ST13: variants seen among roughly 807,000 people sequenced by gnomAD.
ST13 encodes the protein ST13 Hsp70 interacting protein.
ST13 carries 23 observed loss-of-function variants against 56.7 expected under a neutral mutation model. That is an observed-to-expected ratio of 0.41 (90% CI 0.29 to 0.57). ST13 has a LOEUF of 0.57. ST13 is among the 20% of genes least tolerant of loss of function. ST13 has a pLI of 0.36. For missense variants in ST13, 369 were observed against 459.9 expected (o/e 0.80, Z 1.81); for synonymous variants, 132 against 142.4 (o/e 0.93, Z 0.52).
At chr22:40,829,780 A>T in intron 9 of ST13, 106 bp from the exon 10 acceptor site, 1 of 504,280 alleles carries the variant, frequency 2.0e-6, no homozygotes, top group Non-Finnish European at 3.4e-6. Flanking sequence ...AACCTAGTAG[A>T]TGGCAATACT....
chr22:40,845,730 T>C (rs540685599), intron 3 of ST13, among the ~76,000 whole-genome samples: 16 of 151,298 alleles, frequency 1.1e-4, no homozygotes, highest in African/African-American at 2.9e-4. Context: ...TATATATATA[T>C]ACACACACAC....
rs2057724538 is a variant in ST13, at chr22:40,825,719, T to G, written c.*819A>C. 4 of 151,972 alleles carry G rather than the reference T, an allele frequency of 2.6e-5. No homozygotes were observed. The highest frequency in any genetic ancestry group is 2.6e-4 in the Admixed American group (4 of 15,244). 9.4% of individuals were successfully genotyped at this position (151,972 alleles called of 1,614,324 possible). On this transcript the variant is annotated 3_prime_UTR_variant, in exon 12 of 12. Transcript: ENST00000216218. ...TAGCAAGCAGAAAGCAAACACAGAT[T>G]TGGGCAATTTTTGACTAGGAAAGAG...
chr22:40,852,549 AAAAG>A (rs1987068577), intron 1 of ST13, among the ~76,000 whole-genome samples: 2 of 152,254 alleles, frequency 1.3e-5, no homozygotes, highest in Admixed American at 1.3e-4. Flanking sequence ...AGATGGAATG[AAAAG>A]AAACAGAATT....
At chr22:40,827,009 C>T in intron 11 of ST13, 87 bp downstream of exon 11, 1 of 1,409,746 alleles carries the variant, frequency 7.1e-7, no homozygotes, top group Non-Finnish European at 9.6e-7. Context: ...TAAAAAATAG[C>T]TATGAGAGTA....
At chr22:40,841,959 A>G (rs1024582178) in intron 4 of ST13, among the ~76,000 whole-genome samples, 4 of 152,214 alleles carry the variant, frequency 2.6e-5, no homozygotes, top group African/African-American at 7.2e-5. Context: ...AAGAGAATGT[A>G]TGTGGTCTAA....
chr22:40,842,663 G>A (rs1328737360), intron 4 of ST13, among the ~76,000 whole-genome samples: 1 of 152,154 alleles, frequency 6.6e-6, no homozygotes. Context: ...AATAACAGCT[G>A]AAAATATTCT....
At chr22:40,853,092 A>G (rs1241646117) in intron 1 of ST13, among the ~76,000 whole-genome samples, 1 of 152,194 alleles carries the variant, frequency 6.6e-6, no homozygotes, top group Admixed American at 6.5e-5. Flanking sequence ...AAAGTCAAGG[A>G]AAGACTGAGG....
At chr22:40,852,263 T>C (rs1030127996) in intron 1 of ST13, among the ~76,000 whole-genome samples, 5 of 152,252 alleles carry the variant, frequency 3.3e-5, no homozygotes, top group Non-Finnish European at 7.3e-5. Flanking sequence ...TTTTTAGCCA[T>C]TCTGATAGGT....
intron 4 of ST13, among the ~76,000 whole-genome samples, chr22:40,842,959 A>T (rs1047458025): frequency 6.6e-6 from 1 of 152,170 alleles, no homozygotes; most frequent in African/African-American, 2.4e-5. Context: ...TTTTAAAAAT[A>T]AAAATAAAAA....
chr22:40,831,199 A>G (rs1200332636), intron 8 of ST13, among the ~76,000 whole-genome samples: 1 of 152,240 alleles, frequency 6.6e-6, no homozygotes, highest in Non-Finnish European at 1.5e-5. Context: ...ATCTCAAACA[A>G]TTAAGCTCAA....
At chr22:40,852,895 C>T (rs1047702416) in intron 1 of ST13, among the ~76,000 whole-genome samples, 1 of 152,162 alleles carries the variant, frequency 6.6e-6, no homozygotes. Context: ...TTTCAAAATG[C>T]AGCGTCAGGA....
intron 8 of ST13, among the ~76,000 whole-genome samples, chr22:40,831,528 G>T (rs1007576437): frequency 6.6e-6 from 1 of 152,152 alleles, no homozygotes; most frequent in African/African-American, 2.4e-5. Context: ...TTTCCTCAGA[G>T]AATAAAATAC....
At chr22:40,843,431 C>T (rs186633108) in intron 4 of ST13, among the ~76,000 whole-genome samples, 4 of 152,032 alleles carry the variant, frequency 2.6e-5, no homozygotes, top group East Asian at 1.9e-4. Flanking sequence ...TAGTATCAGA[C>T]GATGTGGCAT....
intron 7 of ST13, 150 bp downstream of exon 7, chr22:40,835,410 C>A: frequency 1.6e-6 from 1 of 612,376 alleles, no homozygotes; most frequent in South Asian, 2.4e-5. Context: ...AAGCAGCTGT[C>A]TACAAGCTAT....
chr22:40,849,230 C>A (rs1007975797), intron 2 of ST13, among the ~76,000 whole-genome samples: 6 of 152,064 alleles, frequency 3.9e-5, no homozygotes, highest in African/African-American at 1.4e-4. Flanking sequence ...GTAATTCCAG[C>A]ACTTTGGGAG....
In ST13 at chr22:40,835,654, G is replaced by C; in HGVS notation, c.484C>G (p.Gln162Glu). 6.2e-7 allele frequency: 1 copy of C among 1,613,786 alleles called. No individual in the cohort carries two copies. The highest frequency in any genetic ancestry group is 1.1e-5 in the South Asian group (1 of 91,066). The part of the protein sequence containing the change: ...AKRASVFVKL[Q>E]KPNAAIRDCD... ...TCTCGGATGGCAGCATTTGGCTTCT[G>C]TAATTTGACGAAGACACTGAAAAAT... is the stretch of plus-strand genomic sequence containing the variant. The change falls in exon 7 of 12, where the codon CAG becomes GAG. Residue 162 changes from glutamine (Q) to glutamate (E), a missense_variant. By Grantham distance (29) the Gln-to-Glu change is conservative. Coordinates refer to ENST00000216218, the MANE Select transcript of ST13 (RefSeq NM_003932.5).
At chr22:40,829,432 G>A (rs1285223778) in intron 10 of ST13, among the ~76,000 whole-genome samples, 194 bp downstream of exon 10, 2 of 151,974 alleles carry the variant, frequency 1.3e-5, no homozygotes, top group Non-Finnish European at 2.9e-5. Flanking sequence ...AGAAAAATAC[G>A]CTATTTTTAC....
chr22:40,832,202 A>G (rs2057757043), intron 8 of ST13: 1 of 472,800 alleles, frequency 2.1e-6, no homozygotes, highest in African/African-American at 2.0e-5. Flanking sequence ...TGCTTTATAA[A>G]GTGGTTGTAC....
intron 11 of ST13, 138 bp from the exon 12 acceptor site, chr22:40,826,804 TATCAAAATCAAGCTGA>T: frequency 9.6e-7 from 1 of 1,039,220 alleles, no homozygotes; most frequent in Non-Finnish European, 1.4e-6. Context: ...GTGCTTGAAG[TATCAAAATCAAGCTGA>T]ATTAAGTCAT....
Sources: gnomAD v4.1 joint callset for allele counts (sites outside exome capture counted in the v4.1 genomes callset) on GRCh38, gnomAD v4.1.1 for gene constraint, MANE v1.5 for transcripts, NCBI Gene and HGNC (gene_info 2026-07-23, HGNC 2026-07-21) for gene names.